TSPEAR: variants seen among roughly 807,000 people sequenced by gnomAD.
The protein encoded by TSPEAR is thrombospondin type laminin G domain and EAR repeats.
Under a neutral mutation model 71.6 loss-of-function variants are expected in TSPEAR, and 69 were observed. The ratio of observed to expected loss-of-function variants is 0.96; its 90% CI spans 0.79 to 1.18. The LOEUF (loss-of-function observed/expected upper bound fraction) is 1.18, where lower values mean the gene tolerates loss of function less well. Among genes scored for constraint, TSPEAR ranks in the 50% most tolerant of loss-of-function variants. The pLI is 0.00. For synonymous variants in TSPEAR, 402 were observed against 387.2 expected (o/e 1.04, Z -0.45); for missense variants, 971 against 894.9 (o/e 1.09, Z -1.09).
At chr21:44,607,175 G>C (rs1601479765) in intron 1 of TSPEAR, among the ~76,000 whole-genome samples, 1 of 152,186 alleles carries the variant, frequency 6.6e-6, no homozygotes, top group African/African-American at 2.4e-5. Flanking sequence ...CGCCTCCCGG[G>C]TTCAAGCAAT....
At chr21:44,703,914 G>A (rs535235370) in intron 1 of TSPEAR, among the ~76,000 whole-genome samples, 1 of 152,322 alleles carries the variant, frequency 6.6e-6, no homozygotes, top group East Asian at 1.9e-4. Context: ...CCCAGCTGCA[G>A]TGGAGCTGGA....
chr21:44,590,690 C>G (rs968608673), intron 1 of TSPEAR, among the ~76,000 whole-genome samples: 62 of 151,868 alleles, frequency 4.1e-4, no homozygotes, highest in African/African-American at 1.3e-3. Flanking sequence ...AGGCTGCTGG[C>G]TGGAGCTAGG....
At chr21:44,618,101 C>A (rs1186804674) in intron 1 of TSPEAR, among the ~76,000 whole-genome samples, 1 of 152,202 alleles carries the variant, frequency 6.6e-6, no homozygotes, top group East Asian at 1.9e-4. Flanking sequence ...TTGTCCCCAT[C>A]CAAATCTCAT....
chr21:44,513,745 C>G (rs587725110), intron 9 of TSPEAR, among the ~76,000 whole-genome samples: 2 of 152,294 alleles, frequency 1.3e-5, no homozygotes, highest in African/African-American at 4.8e-5. Context: ...AAAGAGGATG[C>G]CTCTGTGGTC....
At chr21:44,647,322 C>A (rs782128992) in intron 1 of TSPEAR, 96 of 1,613,798 alleles carry the variant, frequency 5.9e-5, no homozygotes, top group Admixed American at 1.0e-4. Context: ...TGGCCTGCTA[C>A]AGCCTCTGCT....
At position 44,612,232 on chromosome 21, in the gene TSPEAR, C is replaced by T. The variant is rs1555931165; in HGVS notation, c.83-44227G>A. ...GCACTGGCTCCTCCTGGCAGGTGGA[C>T]AATTGCCAGGAAAGCTGCTGCGAGC... On this transcript the variant is annotated intron_variant, in intron 1 of 11. Coordinates refer to ENST00000323084, the MANE Select transcript of TSPEAR (RefSeq NM_144991.3). The surrounding 1 kb of genome is among the most constrained non-coding windows in gnomAD (Gnocchi z 4.1). 6.2e-7 allele frequency: 1 copy of T among 1,613,800 alleles called. No individual in the cohort carries two copies. Among genetic ancestry groups the T allele is most frequent in the Admixed American group, 1.7e-5 (1 of 60,026 alleles).
At chr21:44,697,400 T>C (rs1555950795) in intron 1 of TSPEAR, 1 of 1,613,630 alleles carries the variant, frequency 6.2e-7, no homozygotes, top group Non-Finnish European at 8.5e-7. Context: ...CCGAGTGACC[T>C]GTGAGCCCAG....
In TSPEAR at chr21:44,591,376, A is replaced by G. The variant is rs782105532; in HGVS notation, c.83-23371T>C. ...CTGGTGGGAAGGGACTCCGGATCAC[A>G]TCCAGGGCTGTCAGCAGCTGGACTT... On this transcript the variant is annotated intron_variant, in intron 1 of 11. Coordinates refer to ENST00000323084, the MANE Select transcript of TSPEAR (RefSeq NM_144991.3). 5 of 1,595,886 alleles carry G rather than the reference A, an allele frequency of 3.1e-6. No homozygotes were observed. The South Asian group carries it at 3.4e-5, about 11-fold the overall frequency.
At chr21:44,688,537 G>A (rs1448760439) in intron 1 of TSPEAR, among the ~76,000 whole-genome samples, 2 of 152,270 alleles carry the variant, frequency 1.3e-5, no homozygotes, top group East Asian at 1.9e-4. Flanking sequence ...TGGCTAACAC[G>A]GTGAAACCCT....
rs1395707673 is a variant in TSPEAR, at chr21:44,498,487, A to T, written c.*1296T>A. ...TGGCCACAGCGATGGCTGGAGTGAGACCTGAGCCCCGGAAAAACACGAAGG... is the reference window on the plus strand; with the variant it reads ...TGGCCACAGCGATGGCTGGAGTGAGTCCTGAGCCCCGGAAAAACACGAAGG... On this transcript the variant is annotated 3_prime_UTR_variant, in exon 12 of 12. Coordinates refer to ENST00000323084, the MANE Select transcript of TSPEAR (RefSeq NM_144991.3). 6.6e-6 allele frequency: 1 copy of T among 152,156 alleles called. No individual in the cohort carries two copies. The highest frequency in any genetic ancestry group is 1.5e-5 in the Non-Finnish European group (1 of 68,032). The allele number at this position is 152,156 out of a possible 1,614,324, so 9.4% of individuals were successfully genotyped here.
intron 1 of TSPEAR, among the ~76,000 whole-genome samples, chr21:44,576,275 G>A (rs1162306423): frequency 1.4e-5 from 2 of 147,848 alleles, no homozygotes; most frequent in Non-Finnish European, 2.9e-5. Context: ...CATAACTCAT[G>A]GGTGAACAGA....
chr21:44,659,367 ACTG>A (rs1985364603), intron 1 of TSPEAR, among the ~76,000 whole-genome samples: 2 of 87,282 alleles, frequency 2.3e-5, no homozygotes, highest in Admixed American at 1.1e-4. Flanking sequence ...AAGCACAAGC[ACTG>A]ATACACCCTA....
intron 1 of TSPEAR, among the ~76,000 whole-genome samples, chr21:44,621,820 C>T (rs970442624): frequency 1.8e-4 from 27 of 151,886 alleles, no homozygotes; most frequent in Admixed American, 1.0e-3. Flanking sequence ...TATTTTTGTT[C>T]CTTTTGTGTG....
chr21:44,612,652 C>T lies in TSPEAR; in HGVS notation c.83-44647G>A, dbSNP rs2146175954. On this transcript the variant is annotated intron_variant, in intron 1 of 11. Coordinates refer to ENST00000323084, the MANE Select transcript of TSPEAR (RefSeq NM_144991.3). This position sits in a 1 kb window ranked among gnomAD's most constrained non-coding sequence, Gnocchi z 4.1. ...GTGTGCCTGTCTGCTCTGGGGCTTCCTCTCTGTGCTGCCAGAAGTCTAGCT... is the reference window on the plus strand; with the variant it reads ...GTGTGCCTGTCTGCTCTGGGGCTTCTTCTCTGTGCTGCCAGAAGTCTAGCT... The T allele has an allele frequency of 1.2e-6, 2 of 1,613,364 alleles. No homozygotes were observed. The highest frequency in any genetic ancestry group is 2.2e-5 in the East Asian group (1 of 44,824).
In TSPEAR at chr21:44,697,848, T is replaced by C. The variant is rs782707899; in HGVS notation, c.82+13585A>G. On this transcript the variant is annotated intron_variant, in intron 1 of 11. Coordinates refer to ENST00000323084, the MANE Select transcript of TSPEAR (RefSeq NM_144991.3). ...CGCGTGCCCGTCCCCTCCTGCTGTGTCCCCACCTCCTCCTGCCAGCCAAGC... is the reference window on the plus strand; with the variant it reads ...CGCGTGCCCGTCCCCTCCTGCTGTGCCCCCACCTCCTCCTGCCAGCCAAGC... 4.4e-6 allele frequency: 7 copies of C among 1,603,792 alleles called. No individual in the cohort carries two copies. In the Admixed American group the frequency reaches 8.4e-5, roughly 19 times the overall value.
intron 2 of TSPEAR, chr21:44,539,553 C>CACAGCAGATGGGCTT (rs782296708): frequency 6.2e-7 from 1 of 1,613,310 alleles, no homozygotes; most frequent in African/African-American, 1.3e-5. Flanking sequence ...CAGACGGGCA[C>CACAGCAGATGGGCTT]ACAGCAGATG....
chr21:44,601,700 G>A, intron 1 of TSPEAR: 1 of 1,612,094 alleles, frequency 6.2e-7, no homozygotes, highest in Non-Finnish European at 8.5e-7. Context: ...CCGGCCTGCT[G>A]TGGCCCCACC....
At chr21:44,580,506 T>G in intron 1 of TSPEAR, 3 of 1,613,550 alleles carry the variant, frequency 1.9e-6, no homozygotes, top group Non-Finnish European at 2.5e-6. Flanking sequence ...TCACAGCAGC[T>G]CTCTGGGCAG....
intron 1 of TSPEAR, among the ~76,000 whole-genome samples, chr21:44,590,567 C>T (rs1332156568): frequency 6.6e-6 from 1 of 152,136 alleles, no homozygotes; most frequent in Non-Finnish European, 1.5e-5. Context: ...GGCTGCTGGG[C>T]TCGAGTCCTG....
Sources: gnomAD v4.1 joint callset for allele counts (sites outside exome capture counted in the v4.1 genomes callset) on GRCh38, gnomAD v4.1.1 for gene constraint, Gnocchi (gnomAD v3.1) non-coding constraint, MANE v1.5 for transcripts, NCBI Gene and HGNC (gene_info 2026-07-23, HGNC 2026-07-21) for gene names.